CPNE8: variants seen among roughly 807,000 people sequenced by gnomAD.
CPNE8 encodes the protein copine-8.
Under a neutral mutation model 81.5 loss-of-function variants are expected in CPNE8, and 45 were observed. The observed-to-expected ratio is 0.55, with a 90% CI of 0.44 to 0.71. The LOEUF is 0.71. Ranked by LOEUF, CPNE8 falls within the 30% of genes least tolerant of loss-of-function variation. The probability of loss-of-function intolerance (pLI) is 0.00; values close to 1 mark genes in which losing one functional copy is unlikely to be tolerated. For synonymous variants in CPNE8, 252 were observed against 226.3 expected (o/e 1.11, Z -1.02); for missense variants, 594 against 672.1 (o/e 0.88, Z 1.28).
At chr12:38,774,087 C>T (rs1273318353) in intron 7 of CPNE8, among the ~76,000 whole-genome samples, 1 of 151,978 alleles carries the variant, frequency 6.6e-6, no homozygotes, top group Non-Finnish European at 1.5e-5. Context: ...TGACACATTC[C>T]CTTTCATTTA....
At chr12:38,893,446 T>C (rs1389514361) in intron 1 of CPNE8, among the ~76,000 whole-genome samples, 1 of 131,322 alleles carries the variant, frequency 7.6e-6, no homozygotes, top group East Asian at 2.3e-4. Context: ...ACAAATTCCA[T>C]GGCAACATGA....
chr12:38,739,630 A>G (rs1422120332), intron 10 of CPNE8, among the ~76,000 whole-genome samples: 1 of 152,084 alleles, frequency 6.6e-6, no homozygotes, highest in Non-Finnish European at 1.5e-5. Flanking sequence ...GCTTTCTAAT[A>G]ATTTTTTTCA....
intron 19 of CPNE8, among the ~76,000 whole-genome samples, chr12:38,670,011 C>A (rs904119913): frequency 1.2e-4 from 18 of 152,276 alleles, no homozygotes; most frequent in African/African-American, 3.8e-4. Flanking sequence ...AGTTTCTGAT[C>A]TAATTCAGTC....
At chr12:38,902,405 AAG>A (rs1328886048) in intron 1 of CPNE8, among the ~76,000 whole-genome samples, 1 of 141,320 alleles carries the variant, frequency 7.1e-6, no homozygotes, top group East Asian at 2.0e-4. Context: ...GAAAGAAAGA[AAG>A]AAAGAAAGAA....
chr12:38,887,386 T>C (rs1049097795), intron 1 of CPNE8, among the ~76,000 whole-genome samples: 2 of 152,150 alleles, frequency 1.3e-5, no homozygotes, highest in East Asian at 1.9e-4. Context: ...ACGTAAGTCA[T>C]TGTAAAATAA....
At chr12:38,683,342 T>C (rs1939452886) in intron 16 of CPNE8, among the ~76,000 whole-genome samples, 1 of 152,188 alleles carries the variant, frequency 6.6e-6, no homozygotes, top group Admixed American at 6.5e-5. Context: ...AAATAATTTT[T>C]AATGATAATA....
chr12:38,664,706 C>A (rs1477125374), intron 19 of CPNE8, among the ~76,000 whole-genome samples: 4 of 152,042 alleles, frequency 2.6e-5, no homozygotes, highest in African/African-American at 9.7e-5. Flanking sequence ...CATCACTGTT[C>A]TTACAATACA....
rs1400436399 is a variant in CPNE8, at chr12:38,652,917, G to A, written c.*965C>T. ...TGCACCTTGTGTGGCAACGTGGAAT[G>A]GTGATAACAAGAAATTCCGATCAAG... is the stretch of plus-strand genomic sequence containing the variant. On this transcript the variant is annotated 3_prime_UTR_variant, in exon 20 of 20. Coordinates refer to ENST00000331366, the MANE Select transcript of CPNE8 (RefSeq NM_153634.3). 1 of 152,516 alleles carries A rather than the reference G, an allele frequency of 6.6e-6. No individual in the cohort carries two copies. The highest frequency in any genetic ancestry group is 1.5e-5 in the Non-Finnish European group (1 of 68,014). The allele number at this position is 152,516 out of a possible 1,614,324, so 9.4% of individuals were successfully genotyped here.
intron 6 of CPNE8, among the ~76,000 whole-genome samples, chr12:38,790,309 G>A (rs1033847492): frequency 6.6e-6 from 1 of 151,652 alleles, no homozygotes; most frequent in Non-Finnish European, 1.5e-5. Context: ...GGAACTGAAG[G>A]TCATTATAGT....
intron 3 of CPNE8, among the ~76,000 whole-genome samples, chr12:38,866,560 G>A (rs762621304): frequency 6.6e-6 from 1 of 151,308 alleles, no homozygotes; most frequent in Non-Finnish European, 1.5e-5. Context: ...ATAATGTAAT[G>A]AGTATCCCTA....
At position 38,724,858 on chromosome 12, in the gene CPNE8, A is replaced by G. The variant is rs1940657078; in HGVS notation, c.840T>C (p.Thr280=). The G allele has an allele frequency of 2.0e-6, 3 of 1,479,988 alleles. No individual in the cohort carries two copies. Among genetic ancestry groups the G allele is most frequent in the Non-Finnish European group, 2.8e-6 (3 of 1,067,196 alleles). 91.7% of individuals were successfully genotyped at this position (1,479,988 alleles called of 1,614,324 possible). ...PKKKGKKKKY[T]NSGTVTLLSF... is the part of the protein sequence containing the mutation. ...AAATTTGACTTACTGTTCCAGAATT[A>G]GTATATTTTTTCTTTTTTCCTTTCT... The change falls in exon 12 of 20, where the codon ACT becomes ACC. Residue 280 remains threonine, a synonymous_variant. Coordinates refer to ENST00000331366, the MANE Select transcript of CPNE8 (RefSeq NM_153634.3).
chr12:38,744,967 T>C (rs1487985738), intron 10 of CPNE8, among the ~76,000 whole-genome samples: 2 of 152,228 alleles, frequency 1.3e-5, no homozygotes, highest in Non-Finnish European at 2.9e-5. Flanking sequence ...CTTCTGTATC[T>C]GATTCCAATT....
chr12:38,852,463 G>A lies in CPNE8; in HGVS notation c.187-3801C>T, dbSNP rs191592832. ...AAAAAAAAAAAAAAATTAGCCAGGC[G>A]TGGTGGCGCATGCCTGTAATCCCAG... On this transcript the variant is annotated intron_variant, in intron 3 of 19. Transcript: ENST00000331366. Among the ~76,000 whole-genome samples the A allele has an allele frequency of 1.6e-3, 240 of 149,574 alleles. 1 individual carries two copies. The highest frequency in any genetic ancestry group is 5.3e-3 in the African/African-American group (215 of 40,550).
chr12:38,668,866 A>G (rs1049214422), intron 19 of CPNE8, among the ~76,000 whole-genome samples: 2 of 152,074 alleles, frequency 1.3e-5, no homozygotes, highest in East Asian at 1.9e-4. Flanking sequence ...TGGCTAACAC[A>G]GTGAAACCCC....
At chr12:38,858,320 T>C (rs1943777288) in intron 3 of CPNE8, among the ~76,000 whole-genome samples, 1 of 152,052 alleles carries the variant, frequency 6.6e-6, no homozygotes, top group Non-Finnish European at 1.5e-5. Flanking sequence ...CCTGGGAGGG[T>C]TCTTAGCTTC....
intron 6 of CPNE8, among the ~76,000 whole-genome samples, chr12:38,808,458 A>G (rs1565629355): frequency 6.6e-6 from 1 of 152,044 alleles, no homozygotes; most frequent in Non-Finnish European, 1.5e-5. Context: ...TTGTAGGGAC[A>G]TGGATGAAAT....
At chr12:38,871,279 A>G (rs1309698433) in intron 3 of CPNE8, among the ~76,000 whole-genome samples, 1 of 152,190 alleles carries the variant, frequency 6.6e-6, no homozygotes, top group Non-Finnish European at 1.5e-5. Flanking sequence ...TTGCCTCATT[A>G]TTAGTCATTT....
rs185597325 is a variant in CPNE8, at chr12:38,806,898, A to G, written c.407+22481T>C. 1.2e-3 allele frequency among the ~76,000 whole-genome samples: 179 copies of G among 151,442 alleles called. 1 individual carries two copies. The highest frequency in any genetic ancestry group is 3.9e-3 in the African/African-American group (163 of 41,480). ...TCTCCTTAAGCTGATAAGCAACTTC[A>G]GCAGTCTCAGGATACAAAATCAATG... On this transcript the variant is annotated intron_variant, in intron 6 of 19. Transcript: ENST00000331366.
intron 15 of CPNE8, among the ~76,000 whole-genome samples, chr12:38,686,537 C>G (rs1939538357): frequency 6.6e-6 from 1 of 152,160 alleles, no homozygotes; most frequent in South Asian, 2.1e-4. Flanking sequence ...CAAATTACCC[C>G]CAAAGTTATA....
Sources: gnomAD v4.1 joint callset for allele counts (sites outside exome capture counted in the v4.1 genomes callset) on GRCh38, gnomAD v4.1.1 for gene constraint, MANE v1.5 for transcripts, NCBI Gene and HGNC (gene_info 2026-07-23, HGNC 2026-07-21) for gene names.